The following CHST11 variants were observed in gnomAD, a reference collection of about 807,000 sequenced individuals.
CHST11 encodes the protein C4S-1.
In CHST11, 9 loss-of-function variants were observed where a neutral mutation model predicts 30.4. The observed-to-expected ratio is 0.30, with a 90% CI of 0.18 to 0.52. CHST11 has a LOEUF of 0.52. Ranked by LOEUF, CHST11 falls within the 20% of genes least tolerant of loss-of-function variation. CHST11 has a pLI of 0.97. For synonymous variants in CHST11, 152 were observed against 187.8 expected, an observed-to-expected ratio of 0.81 and a Z score of 1.56; for missense variants, 348 against 460.6, an observed-to-expected ratio of 0.76 and a Z score of 2.24.
At chr12:104,693,393 A>G (rs192535932) in intron 2 of CHST11, among the ~76,000 whole-genome samples, 13 of 152,326 alleles carry the variant, frequency 8.5e-5, no homozygotes, top group African/African-American at 1.9e-4. Flanking sequence ...GCAGTACTAT[A>G]TAATTTATCC....
intron 2 of CHST11, among the ~76,000 whole-genome samples, chr12:104,745,080 G>T (rs1437138634): frequency 6.6e-6 from 1 of 152,050 alleles, no homozygotes; most frequent in Non-Finnish European, 1.5e-5. Context: ...CGCCGTGTTG[G>T]CCAGGCTGTT....
At chr12:104,508,934 C>CCAT (rs2037934806) in intron 1 of CHST11, among the ~76,000 whole-genome samples, 3 of 152,278 alleles carry the variant, frequency 2.0e-5, no homozygotes, top group Non-Finnish European at 2.9e-5. Context: ...GCCACCACCA[C>CCAT]CATCACTACC....
chr12:104,547,524 G>A (rs113936090), intron 1 of CHST11, among the ~76,000 whole-genome samples: 41 of 152,308 alleles, frequency 2.7e-4, no homozygotes, highest in African/African-American at 9.1e-4. Context: ...GGGTTTCCAT[G>A]CCTGAGGAAC....
At chr12:104,621,360 C>T (rs1217417815) in intron 2 of CHST11, among the ~76,000 whole-genome samples, 1 of 152,192 alleles carries the variant, frequency 6.6e-6, no homozygotes, top group Non-Finnish European at 1.5e-5. Context: ...TGCCATTGGC[C>T]CAGGGCCATT....
chr12:104,473,610 A>G (rs1216568246), intron 1 of CHST11, among the ~76,000 whole-genome samples: 2 of 152,144 alleles, frequency 1.3e-5, no homozygotes, highest in Non-Finnish European at 2.9e-5. Flanking sequence ...CCCCTGAAAG[A>G]TGCCGCCCTG....
intron 1 of CHST11, among the ~76,000 whole-genome samples, chr12:104,561,996 C>G (rs1388898259): frequency 2.0e-5 from 3 of 152,096 alleles, no homozygotes; most frequent in Non-Finnish European, 4.4e-5. Context: ...CTCCAGAGCT[C>G]ATACCCTCAA....
In CHST11 at chr12:104,494,698, G is replaced by A. The variant is rs571805109; in HGVS notation, c.118+37169G>A. 1.1e-3 allele frequency among the ~76,000 whole-genome samples: 169 copies of A among 152,138 alleles called. 2 individuals are homozygous for A. Among genetic ancestry groups the A allele is most frequent in the African/African-American group, 3.9e-3 (160 of 41,496 alleles). ...GAATAATAACTGTGGGGTGGGGTGCGGGCTCACTGATTGACTCGGAGGCAT... is the reference window on the plus strand; with the variant it reads ...GAATAATAACTGTGGGGTGGGGTGCAGGCTCACTGATTGACTCGGAGGCAT... On this transcript the variant is annotated intron_variant, in intron 1 of 2. Transcript: ENST00000303694.
intron 1 of CHST11, among the ~76,000 whole-genome samples, chr12:104,496,291 A>G (rs2037797763): frequency 6.6e-6 from 1 of 152,254 alleles, no homozygotes; most frequent in Non-Finnish European, 1.5e-5. Flanking sequence ...CTGGAAAGCC[A>G]TACATGTGCT....
chr12:104,721,010 G>A (rs949484409), intron 2 of CHST11, among the ~76,000 whole-genome samples: 1 of 152,116 alleles, frequency 6.6e-6, no homozygotes, highest in African/African-American at 2.4e-5. Context: ...GCTGGTCCTC[G>A]GCTAAGCTGG....
intron 1 of CHST11, among the ~76,000 whole-genome samples, chr12:104,592,420 C>T (rs1224992614): frequency 6.6e-6 from 1 of 152,146 alleles, no homozygotes; most frequent in African/African-American, 2.4e-5. Flanking sequence ...ACAGTCCCTT[C>T]TTGCTATGTC....
At chr12:104,556,885 G>A (rs996721103) in intron 1 of CHST11, among the ~76,000 whole-genome samples, 6 of 151,786 alleles carry the variant, frequency 4.0e-5, no homozygotes, top group African/African-American at 1.5e-4. Flanking sequence ...GGAGGCTGAA[G>A]CAGGAGAATC....
intron 1 of CHST11, among the ~76,000 whole-genome samples, chr12:104,580,310 A>G (rs950519909): frequency 2.6e-5 from 4 of 152,240 alleles, no homozygotes; most frequent in Non-Finnish European, 5.9e-5. Flanking sequence ...GTTCAGCCAC[A>G]ATAAAGCCAA....
chr12:104,747,080 T>A (rs2040393597), intron 2 of CHST11, among the ~76,000 whole-genome samples: 1 of 152,234 alleles, frequency 6.6e-6, no homozygotes, highest in Admixed American at 6.5e-5. Flanking sequence ...CCGGGCAGCC[T>A]CAGATTTCCA....
At chr12:104,536,836 A>T (rs1236615831) in intron 1 of CHST11, among the ~76,000 whole-genome samples, 1 of 152,172 alleles carries the variant, frequency 6.6e-6, no homozygotes, top group Admixed American at 6.5e-5. Context: ...TGTCCAGTTC[A>T]TCTTTCTATT....
chr12:104,629,587 C>T (rs975818377), intron 2 of CHST11, among the ~76,000 whole-genome samples: 4 of 152,216 alleles, frequency 2.6e-5, no homozygotes, highest in South Asian at 2.1e-4. Flanking sequence ...TTTGGGAGGC[C>T]GAGGCAGGCA....
At chr12:104,529,180 A>G (rs1361156009) in intron 1 of CHST11, among the ~76,000 whole-genome samples, 2 of 152,186 alleles carry the variant, frequency 1.3e-5, no homozygotes, top group African/African-American at 4.8e-5. Flanking sequence ...AGAGTAACTA[A>G]GGAGTTGTGC....
At chr12:104,534,454 T>C (rs559640885) in intron 1 of CHST11, among the ~76,000 whole-genome samples, 1 of 152,380 alleles carries the variant, frequency 6.6e-6, no homozygotes, top group African/African-American at 2.4e-5. Context: ...AAGTTGCGGT[T>C]AGTCACTTGC....
chr12:104,514,038 C>T, intron 1 of CHST11: 2 of 876,150 alleles, frequency 2.3e-6, no homozygotes, highest in Admixed American at 1.7e-5. Flanking sequence ...AATGCAGACC[C>T]CCGGGGCACT....
At chr12:104,614,169 A>C (rs1592794518) in intron 2 of CHST11, among the ~76,000 whole-genome samples, 1 of 152,158 alleles carries the variant, frequency 6.6e-6, no homozygotes, top group South Asian at 2.1e-4. Flanking sequence ...AATATATATA[A>C]TTTTTATTTG....
Sources: allele counts gnomAD v4.1 joint callset (sites outside exome capture counted in the v4.1 genomes callset), GRCh38; gene constraint gnomAD v4.1.1; transcripts MANE v1.5; gene names NCBI Gene and HGNC (gene_info 2026-07-23, HGNC 2026-07-21).